MTR: variants seen among roughly 807,000 people sequenced by gnomAD.
MTR encodes 5-methyltetrahydrofolate-homocysteine methyltransferase, also known as methionine synthase.
A neutral mutation model predicts 154.8 loss-of-function variants in MTR; 84 were observed. The ratio of observed to expected loss-of-function variants is 0.54; its 90% CI spans 0.45 to 0.65. The LOEUF is 0.65. Ranked by LOEUF, MTR falls within the 30% of genes least tolerant of loss-of-function variation. MTR has a pLI of 0.00. For missense variants in MTR, 1,275 were observed against 1,570.2 expected, an observed-to-expected ratio of 0.81 and a Z score of 3.18; for synonymous variants, 554 against 553.9, an observed-to-expected ratio of 1.00 and a Z score of 0.00.
intron 24 of MTR, among the ~76,000 whole-genome samples, chr1:236,877,612 A>G (rs1665503076): frequency 6.6e-6 from 1 of 151,992 alleles, no homozygotes; most frequent in African/African-American, 2.4e-5. Context: ...CCATTGTATA[A>G]TGTGCTGTGA....
At chr1:236,846,195 A>G (rs962248718) in intron 15 of MTR, among the ~76,000 whole-genome samples, 1 of 152,224 alleles carries the variant, frequency 6.6e-6, no homozygotes, top group East Asian at 1.9e-4. Flanking sequence ...TTAACTCTAC[A>G]TAACAAGATA....
chr1:236,832,450 C>G (rs1214869705), intron 13 of MTR, among the ~76,000 whole-genome samples: 2 of 152,162 alleles, frequency 1.3e-5, no homozygotes, highest in African/African-American at 4.8e-5. Context: ...CTGTCAGTTC[C>G]TTATGATCGC....
At chr1:236,829,802 ATG>A in intron 12 of MTR, among the ~76,000 whole-genome samples, 1 of 152,168 alleles carries the variant, frequency 6.6e-6, no homozygotes, top group Non-Finnish European at 1.5e-5. Context: ...CTTTTTCAGC[ATG>A]AATTTTGTGT....
intron 22 of MTR, among the ~76,000 whole-genome samples, chr1:236,867,202 G>A (rs1490504196): frequency 6.6e-6 from 1 of 152,070 alleles, no homozygotes; most frequent in South Asian, 2.1e-4. Flanking sequence ...TCTTGTGGAG[G>A]GGCTGATGAC....
At chr1:236,832,133 C>T (rs1662648619) in intron 13 of MTR, 55 bp downstream of exon 13, 7 of 1,350,338 alleles carry the variant, frequency 5.2e-6, no homozygotes, top group Non-Finnish European at 6.4e-6. Flanking sequence ...GGCTAGACAG[C>T]ATGTAAATGA....
At chr1:236,799,116 A>G (rs1218781354) in intron 1 of MTR, among the ~76,000 whole-genome samples, 1 of 151,578 alleles carries the variant, frequency 6.6e-6, no homozygotes. Flanking sequence ...TGAGGAAACT[A>G]TGTTTTTTTT....
chr1:236,881,936 C>G (rs1035915054), intron 25 of MTR, among the ~76,000 whole-genome samples: 1 of 152,138 alleles, frequency 6.6e-6, no homozygotes, highest in Non-Finnish European at 1.5e-5. Flanking sequence ...TGAGACCACA[C>G]GTCTGTCAAA....
intron 5 of MTR, among the ~76,000 whole-genome samples, chr1:236,810,861 A>G (rs1661263106): frequency 6.6e-6 from 1 of 152,234 alleles, no homozygotes; most frequent in Non-Finnish European, 1.5e-5. Flanking sequence ...AAATAAAACC[A>G]ACTAAAATAA....
chr1:236,820,300 A>G, intron 8 of MTR: 1 of 752,872 alleles, frequency 1.3e-6, no homozygotes, highest in Admixed American at 1.7e-5. Flanking sequence ...AAAGACTGTG[A>G]CCAAGGAGGA....
chr1:236,809,321 G>A (rs1010471854), intron 4 of MTR, among the ~76,000 whole-genome samples: 1 of 152,222 alleles, frequency 6.6e-6, no homozygotes, highest in African/African-American at 2.4e-5. Flanking sequence ...TTGAAAAGTG[G>A]CTCCTGAAAT....
At chr1:236,868,040 A>G (rs1275032330) in intron 22 of MTR, among the ~76,000 whole-genome samples, 1 of 152,224 alleles carries the variant, frequency 6.6e-6, no homozygotes, top group African/African-American at 2.4e-5. Context: ...TTTTGAAAGA[A>G]GTTCTGTGAG....
chr1:236,880,001 AT>A, intron 24 of MTR, among the ~76,000 whole-genome samples: 1 of 151,342 alleles, frequency 6.6e-6, no homozygotes, highest in South Asian at 2.1e-4. Context: ...AAAAAAAAAA[AT>A]AGAAAAAAAT....
At chr1:236,896,417 T>C (rs1666625874) in intron 31 of MTR, among the ~76,000 whole-genome samples, 1 of 152,224 alleles carries the variant, frequency 6.6e-6, no homozygotes, top group Non-Finnish European at 1.5e-5. Context: ...GAGTCCTGTT[T>C]CTGCCATAAG....
At chr1:236,896,100 C>T (rs1382017126) in intron 31 of MTR, among the ~76,000 whole-genome samples, 2 of 152,186 alleles carry the variant, frequency 1.3e-5, no homozygotes, top group African/African-American at 4.8e-5. Context: ...CTGAAAATGA[C>T]AAGCTGGCAT....
At chr1:236,879,755 T>G (rs1428175310) in intron 24 of MTR, among the ~76,000 whole-genome samples, 6 of 152,222 alleles carry the variant, frequency 3.9e-5, no homozygotes, top group Admixed American at 3.9e-4. Context: ...GTTTTGCACT[T>G]CTGTTAATTA....
At chr1:236,797,571 G>A (rs1660463949) in intron 1 of MTR, among the ~76,000 whole-genome samples, 1 of 152,166 alleles carries the variant, frequency 6.6e-6, no homozygotes, top group Non-Finnish European at 1.5e-5. Context: ...GAATAATCCA[G>A]TGAATTGGTA....
chr1:236,821,233 G>C (rs1283190985), intron 8 of MTR, among the ~76,000 whole-genome samples: 2 of 152,220 alleles, frequency 1.3e-5, no homozygotes, highest in Non-Finnish European at 1.5e-5. Flanking sequence ...GTGAAAGAGA[G>C]GGGACAAGAG....
chr1:236,810,448 G>T lies in MTR; in HGVS notation c.410-55G>T. ...AAAATCTTATTGGCTATTCATTCAC[G>T]ACAAAAAATGTTCAGCCACTTAGAG... is the stretch of plus-strand genomic sequence containing the variant. On this transcript the variant is annotated intron_variant, in intron 4 of 32. Coordinates refer to ENST00000366577, the MANE Select transcript of MTR (RefSeq NM_000254.3). 3 of 1,416,190 alleles carry T rather than the reference G, an allele frequency of 2.1e-6. No individual in the cohort carries two copies. In the South Asian group the frequency reaches 3.4e-5, roughly 16 times the overall value. The allele number at this position is 1,416,190 out of a possible 1,614,324, so 87.7% of individuals were successfully genotyped here.
chr1:236,811,090 A>C (rs1027040106), intron 5 of MTR, among the ~76,000 whole-genome samples: 18 of 152,236 alleles, frequency 1.2e-4, no homozygotes, highest in African/African-American at 4.3e-4. Flanking sequence ...GGGAAGCCTC[A>C]CAATCATGGC....
Sources: allele counts gnomAD v4.1 joint callset (sites outside exome capture counted in the v4.1 genomes callset), GRCh38; gene constraint gnomAD v4.1.1; transcripts MANE v1.5; gene names NCBI Gene and HGNC (gene_info 2026-07-23, HGNC 2026-07-21).